Variants in RIC1 observed in about 807,000 individuals in gnomAD.
The protein encoded by RIC1 is RIC1 partner of RAB6A GEF complex.
A neutral mutation model predicts 169.0 loss-of-function variants in RIC1; 88 were observed. The observed-to-expected ratio is 0.52, with a 90% CI of 0.44 to 0.62. The LOEUF (loss-of-function observed/expected upper bound fraction) is 0.62, where lower values mean the gene tolerates loss of function less well. Among genes scored for constraint, RIC1 ranks in the 20% least tolerant of loss-of-function variants. RIC1 has a pLI of 0.00. For synonymous variants in RIC1, 790 were observed against 601.5 expected (o/e 1.31, Z -4.59); for missense variants, 1,877 against 1,725.5 (o/e 1.09, Z -1.56).
chr9:5,634,824 T>A (rs920650326), intron 1 of RIC1, among the ~76,000 whole-genome samples: 1 of 152,232 alleles, frequency 6.6e-6, no homozygotes, highest in African/African-American at 2.4e-5. Context: ...TGTTTTCTTC[T>A]AGGATTTGCA....
intron 6 of RIC1, among the ~76,000 whole-genome samples, chr9:5,721,891 CTT>C (rs1261535327): frequency 9.2e-5 from 13 of 141,164 alleles, no homozygotes; most frequent in Admixed American, 1.4e-4. Context: ...TTTTTGTTTT[CTT>C]TTTTTTTTTT....
chr9:5,773,830 C>T, intron 25 of RIC1, 128 bp from the exon 26 acceptor site: 4 of 843,462 alleles, frequency 4.7e-6, no homozygotes, highest in Middle Eastern at 3.4e-4. Context: ...ACCTTCTTTG[C>T]CTCCTCTCTC....
At chr9:5,758,238 G>A (rs1826121951) in intron 17 of RIC1, among the ~76,000 whole-genome samples, 1 of 152,142 alleles carries the variant, frequency 6.6e-6, no homozygotes, top group African/African-American at 2.4e-5. Flanking sequence ...AGGGTAAGAA[G>A]TAGGGCGACC....
intron 1 of RIC1, among the ~76,000 whole-genome samples, chr9:5,636,903 A>C (rs1252308781): frequency 6.6e-6 from 1 of 152,164 alleles, no homozygotes; most frequent in Non-Finnish European, 1.5e-5. Context: ...AATTTGTATT[A>C]TCTATAGTGC....
At position 5,720,331 on chromosome 9, in the gene RIC1, A is replaced by G. The variant is rs371192308; in HGVS notation, c.583+7A>G. On this transcript the variant is annotated splice_region_variant and intron_variant, in intron 5 of 25. Coordinates refer to ENST00000414202, the MANE Select transcript of RIC1 (RefSeq NM_020829.4). ...GACCTGCAGTCATCTAGAGGTAGCT[A>G]TACTTTCTACATGAGGTTGAACCAG... is the stretch of plus-strand genomic sequence containing the variant. The G allele has an allele frequency of 1.0e-4, 167 of 1,609,112 alleles. No individual in the cohort carries two copies. In the African/African-American group the frequency reaches 1.8e-3, roughly 18 times the overall value.
chr9:5,750,244 A>G (rs923951824), intron 12 of RIC1, among the ~76,000 whole-genome samples: 1 of 151,940 alleles, frequency 6.6e-6, no homozygotes. Context: ...TAAGACTGCC[A>G]TTTATTTTAA....
At chr9:5,629,524 C>G (rs1817613656) in intron 1 of RIC1, 71 bp downstream of exon 1, 1 of 1,461,550 alleles carries the variant, frequency 6.8e-7, no homozygotes, top group African/African-American at 1.4e-5. Context: ...CCCCCAACTT[C>G]CACCCAGAGC....
chr9:5,643,331 A>T (rs1314571654), intron 1 of RIC1, among the ~76,000 whole-genome samples: 9 of 152,056 alleles, frequency 5.9e-5, no homozygotes, highest in African/African-American at 2.2e-4. Context: ...TTCATAGATC[A>T]TGTCAATATA....
chr9:5,711,149 AAAG>A (rs1215684680), intron 3 of RIC1, among the ~76,000 whole-genome samples: 2 of 152,168 alleles, frequency 1.3e-5, no homozygotes, highest in Non-Finnish European at 2.9e-5. Context: ...GGATATATAA[AAAG>A]AAGATCCTAG....
Position 5,656,594 on chromosome 9 carries a change from A to C in RIC1, c.156A>C (p.Leu52Phe). The C allele has an allele frequency of 1.3e-6, 2 of 1,590,462 alleles. No homozygotes were observed. The highest frequency in any genetic ancestry group is 1.7e-6 in the Non-Finnish European group (2 of 1,165,806). The change falls in exon 2 of 26, where the codon TTA becomes TTC. Residue 52 changes from leucine to phenylalanine, a missense_variant. Coordinates refer to ENST00000414202, the MANE Select transcript of RIC1 (RefSeq NM_020829.4). Reference sequence around the variant, plus strand: ...TTTTAATCACACAGCCTAGTGTGTTAATTGTAACCTACAAGGAGCCTGCAA... The same window carrying C: ...TTTTAATCACACAGCCTAGTGTGTTCATTGTAACCTACAAGGAGCCTGCAA... The part of the protein sequence containing the change: ...LSIWYSRPSV[L>F]IVTYKEPAKS...
intron 2 of RIC1, among the ~76,000 whole-genome samples, chr9:5,683,959 A>C (rs939941401): frequency 1.3e-5 from 2 of 152,124 alleles, no homozygotes; most frequent in Admixed American, 1.3e-4. Context: ...GCGGGATATA[A>C]TCTCCTGGTA....
chr9:5,775,349 ATT>A lies in RIC1; in HGVS notation c.*1105_*1106del, dbSNP rs1190932932. The stretch of plus-strand genomic sequence containing the variant: ...TTATGTACTTCTAGAAATGACTTAA[ATT>A]TGTTTTCATACATTATGAAAACAAC... On this transcript the variant is annotated 3_prime_UTR_variant, in exon 26 of 26. Coordinates refer to ENST00000414202, the MANE Select transcript of RIC1 (RefSeq NM_020829.4). 5 of 152,292 alleles carry A rather than the reference ATT, an allele frequency of 3.3e-5. No individual in the cohort carries two copies. Among genetic ancestry groups the A allele is most frequent in the African/African-American group, 1.2e-4 (5 of 41,562 alleles). The allele number at this position is 152,292 out of a possible 1,614,324, so 9.4% of individuals were successfully genotyped here. A position where few individuals can be genotyped will look rare whatever the true frequency, so the allele number is the denominator to read the frequency against.
intron 8 of RIC1, among the ~76,000 whole-genome samples, chr9:5,741,948 G>C (rs185066016): frequency 4.6e-5 from 7 of 152,238 alleles, no homozygotes; most frequent in South Asian, 2.1e-4. Context: ...GCTTCCGCTG[G>C]TCACTTGGGA....
In RIC1 at chr9:5,656,624, A is replaced by G. The variant is rs774405584; in HGVS notation, c.186A>G (p.Ser62=). ...LIVTYKEPAK[S]STQFGSYKQA... Reference sequence around the variant, plus strand: ...TAACCTACAAGGAGCCTGCAAAATCATCTACTCAGTTTGGATCCTACAAGC... The same window carrying G: ...TAACCTACAAGGAGCCTGCAAAATCGTCTACTCAGTTTGGATCCTACAAGC... The change falls in exon 2 of 26, where the codon TCA becomes TCG. Residue 62 remains serine (S), a synonymous_variant. Transcript: ENST00000414202. 45 of 1,609,038 alleles carry G rather than the reference A, an allele frequency of 2.8e-5. No homozygotes were observed. Among genetic ancestry groups the G allele is most frequent in the Middle Eastern group, 1.6e-4 (1 of 6,062 alleles).
At chr9:5,746,842 A>G (rs1419385569) in intron 11 of RIC1, among the ~76,000 whole-genome samples, 1 of 152,220 alleles carries the variant, frequency 6.6e-6, no homozygotes, top group Admixed American at 6.5e-5. Context: ...ATCCATAAAA[A>G]ATGTGAAAAT....
At chr9:5,723,260 G>C (rs962869467) in intron 6 of RIC1, among the ~76,000 whole-genome samples, 2 of 152,234 alleles carry the variant, frequency 1.3e-5, no homozygotes, top group African/African-American at 4.8e-5. Context: ...TAACTGGTGT[G>C]AGATGGTATC....
At chr9:5,651,807 A>G (rs1259758091) in intron 1 of RIC1, among the ~76,000 whole-genome samples, 1 of 151,992 alleles carries the variant, frequency 6.6e-6, no homozygotes, top group Non-Finnish European at 1.5e-5. Flanking sequence ...ATCTCAAGTG[A>G]TCTGCCCACC....
At chr9:5,728,457 T>C (rs1014544006) in intron 6 of RIC1, among the ~76,000 whole-genome samples, 21 of 152,196 alleles carry the variant, frequency 1.4e-4, no homozygotes, top group African/African-American at 5.1e-4. Flanking sequence ...TTCCTTTGGC[T>C]ATGAAAAGGA....
chr9:5,658,411 A>C (rs561601592), intron 2 of RIC1, among the ~76,000 whole-genome samples: 3 of 152,228 alleles, frequency 2.0e-5, no homozygotes, highest in Non-Finnish European at 4.4e-5. Context: ...ATGAAAATGA[A>C]AGTGCAGTAA....
Sources: allele counts gnomAD v4.1 joint callset (sites outside exome capture counted in the v4.1 genomes callset), GRCh38; gene constraint gnomAD v4.1.1; transcripts MANE v1.5; gene names NCBI Gene and HGNC (gene_info 2026-07-23, HGNC 2026-07-21).